Variants in PRUNE2 observed in about 807,000 individuals in gnomAD.
PRUNE2 encodes the protein prune homolog 2 with BCH domain.
In PRUNE2, 164 loss-of-function variants were observed where a neutral mutation model predicts 252.0. That is an observed-to-expected ratio of 0.65 (90% CI 0.57 to 0.74). The LOEUF is 0.74. Among genes scored for constraint, PRUNE2 ranks in the 30% least tolerant of loss-of-function variants. The pLI is 0.00. For missense variants in PRUNE2, 3,495 were observed against 3,711.0 expected (o/e 0.94, Z 1.51); for synonymous variants, 1,292 against 1,350.2 (o/e 0.96, Z 0.94).
chr9:76,680,010 C>T (rs189980326), intron 9 of PRUNE2, among the ~76,000 whole-genome samples: 44 of 152,168 alleles, frequency 2.9e-4, no homozygotes, highest in Non-Finnish European at 2.9e-5. Context: ...ATAGATGGGA[C>T]AACATGAAAC....
chr9:76,773,167 G>A (rs1220573253), intron 6 of PRUNE2, among the ~76,000 whole-genome samples: 2 of 152,100 alleles, frequency 1.3e-5, no homozygotes, highest in East Asian at 1.9e-4. Flanking sequence ...TCACCAAAGC[G>A]GTCTTTTGTT....
At chr9:76,727,807 A>T (rs1025810820) in intron 6 of PRUNE2, among the ~76,000 whole-genome samples, 1 of 131,264 alleles carries the variant, frequency 7.6e-6, no homozygotes, top group South Asian at 2.5e-4. Flanking sequence ...CTCTGCCCCC[A>T]GGTTCAAGTG....
chr9:76,881,856 C>T (rs1286036134), intron 1 of PRUNE2, among the ~76,000 whole-genome samples: 2 of 151,962 alleles, frequency 1.3e-5, no homozygotes, highest in African/African-American at 4.8e-5. Flanking sequence ...CTCCTGACCT[C>T]GTGATCTGCC....
chr9:76,808,603 C>G (rs1269848616), intron 6 of PRUNE2: 3 of 152,372 alleles, frequency 2.0e-5, no homozygotes, highest in African/African-American at 7.2e-5. Flanking sequence ...CTCCTACACA[C>G]TCTGAAATAA....
rs575997771 is a variant in PRUNE2, at chr9:76,677,758, C to CT, written c.8277-22257dup. Among the ~76,000 whole-genome samples the CT allele has an allele frequency of 2.4e-3, 373 of 152,282 alleles. 2 individuals are homozygous for CT. The highest frequency in any genetic ancestry group is 8.7e-3 in the African/African-American group (363 of 41,556). On this transcript the variant is annotated intron_variant, in intron 9 of 18. Transcript: ENST00000376718. ...TGAGTCACCTCTCAGGCCCCAGTGA[C>CT]TTTCCTGGAGAAGTCCAGGAAGCAG...
At chr9:76,727,402 A>G (rs1366811894) in intron 6 of PRUNE2, among the ~76,000 whole-genome samples, 1 of 152,218 alleles carries the variant, frequency 6.6e-6, no homozygotes, top group African/African-American at 2.4e-5. Flanking sequence ...CTACATGAAT[A>G]CTTTTTATTA....
At chr9:76,855,738 T>C (rs2060221050) in intron 1 of PRUNE2, among the ~76,000 whole-genome samples, 1 of 152,204 alleles carries the variant, frequency 6.6e-6, no homozygotes, top group Non-Finnish European at 1.5e-5. Context: ...CAAAACAGCA[T>C]GATTTAAAAG....
intron 1 of PRUNE2, among the ~76,000 whole-genome samples, chr9:76,873,309 A>G (rs1157262235): frequency 6.6e-6 from 1 of 152,158 alleles, no homozygotes; most frequent in African/African-American, 2.4e-5. Context: ...ACTTTTGTAT[A>G]TGTTTTAGAT....
chr9:76,870,875 G>A (rs1018816977), intron 1 of PRUNE2, among the ~76,000 whole-genome samples: 5 of 151,816 alleles, frequency 3.3e-5, no homozygotes, highest in Non-Finnish European at 7.4e-5. Context: ...ATAACAATAC[G>A]GCAGCAAAGA....
intron 1 of PRUNE2, among the ~76,000 whole-genome samples, chr9:76,874,737 G>A (rs1429679661): frequency 1.3e-5 from 2 of 152,012 alleles, no homozygotes; most frequent in African/African-American, 4.8e-5. Flanking sequence ...CTCAAGCATC[G>A]CCTCAGAACC....
At position 76,905,583 on chromosome 9, in the gene PRUNE2, G is replaced by C. The variant is rs142352481; in HGVS notation, c.36+345C>G. Among the ~76,000 whole-genome samples the C allele has an allele frequency of 2.8e-3, 422 of 152,274 alleles. 3 individuals carry two copies. The highest frequency in any genetic ancestry group is 9.4e-3 in the African/African-American group (390 of 41,564). Reference sequence around the variant, plus strand: ...ACTTACACGTAATGCATCTGCAGAAGGCTGGGCTCTTTATCTCAAGGAAGA... The same window carrying C: ...ACTTACACGTAATGCATCTGCAGAACGCTGGGCTCTTTATCTCAAGGAAGA... On this transcript the variant is annotated intron_variant, in intron 1 of 18. Coordinates refer to ENST00000376718, the MANE Select transcript of PRUNE2 (RefSeq NM_015225.3).
Position 76,707,510 on chromosome 9 carries a change from G to A in PRUNE2, c.4764C>T (p.Thr1588=), listed in dbSNP as rs776929422. 6.2e-7 allele frequency: 1 copy of A among 1,613,812 alleles called. No homozygotes were observed. Among genetic ancestry groups the A allele is most frequent in the Non-Finnish European group, 8.5e-7 (1 of 1,179,776 alleles). ...EQNHQESELI[T]TDGQVEIVTK... ...TAACTATTTCTACTTGGCCATCAGT[G>A]GTAATTAGTTCAGATTCTTGGTGAT... is the stretch of plus-strand genomic sequence containing the variant. The change falls in exon 8 of 19, where the codon ACC becomes ACT. Residue 1588 remains threonine (T), a synonymous_variant. Transcript: ENST00000376718.
intron 1 of PRUNE2, among the ~76,000 whole-genome samples, chr9:76,857,944 ACTGAAGGT>A: frequency 6.6e-6 from 1 of 152,150 alleles, no homozygotes; most frequent in South Asian, 2.1e-4. Flanking sequence ...TGCACTGCTC[ACTGAAGGT>A]CTGTAGGCCC....
chr9:76,769,445 A>C (rs1250365279), intron 6 of PRUNE2, among the ~76,000 whole-genome samples: 2 of 152,202 alleles, frequency 1.3e-5, no homozygotes, highest in Admixed American at 6.5e-5. Flanking sequence ...AATGTTGTTA[A>C]GAGTTTCGCT....
In PRUNE2 at chr9:76,708,393, T is replaced by C. The variant is rs899136924; in HGVS notation, c.3881A>G (p.Gln1294Arg). The change falls in exon 8 of 19, where the codon CAA becomes CGA. Residue 1294 changes from glutamine (Q) to arginine (R), a missense_variant. Coordinates refer to ENST00000376718, the MANE Select transcript of PRUNE2 (RefSeq NM_015225.3). Reference protein sequence around the residue: ...DKQDTERETLQSDAASLATRL... With the variant: ...DKQDTERETLRSDAASLATRL... Reference sequence around the variant, plus strand: ...AGTCGCCAAGGATGCTGCATCACTTTGCAGGGTTTCCCTCTCTGTGTCCTG... The same window carrying C: ...AGTCGCCAAGGATGCTGCATCACTTCGCAGGGTTTCCCTCTCTGTGTCCTG... 6.2e-7 allele frequency: 1 copy of C among 1,613,848 alleles called. No homozygotes were observed. Among genetic ancestry groups the C allele is most frequent in the South Asian group, 1.1e-5 (1 of 91,074 alleles).
intron 4 of PRUNE2, among the ~76,000 whole-genome samples, chr9:76,828,390 C>T (rs2132049872): frequency 6.6e-6 from 1 of 152,276 alleles, no homozygotes; most frequent in Non-Finnish European, 1.5e-5. Flanking sequence ...ATAGCGGGAC[C>T]ATGAAGGGCC....
At chr9:76,764,001 A>T (rs1198021774) in intron 6 of PRUNE2, among the ~76,000 whole-genome samples, 2 of 152,218 alleles carry the variant, frequency 1.3e-5, no homozygotes, top group African/African-American at 2.4e-5. Context: ...TTAGGAATTG[A>T]CCTGTGGATC....
intron 6 of PRUNE2, among the ~76,000 whole-genome samples, chr9:76,755,530 C>T (rs1044727239): frequency 2.6e-5 from 4 of 152,006 alleles, no homozygotes; most frequent in Non-Finnish European, 5.9e-5. Context: ...GGACAAAGAA[C>T]GCTGGGAGGA....
chr9:76,768,423 C>T (rs958575808), intron 6 of PRUNE2, among the ~76,000 whole-genome samples: 2 of 152,056 alleles, frequency 1.3e-5, no homozygotes, highest in Admixed American at 6.6e-5. Flanking sequence ...AAACTCCTGA[C>T]CTCAAGTGAT....
Sources: gnomAD v4.1 joint callset for allele counts (sites outside exome capture counted in the v4.1 genomes callset) on GRCh38, gnomAD v4.1.1 for gene constraint, MANE v1.5 for transcripts, NCBI Gene and HGNC (gene_info 2026-07-23, HGNC 2026-07-21) for gene names.